KCNN3: variants seen among roughly 807,000 people sequenced by gnomAD.
The protein encoded by KCNN3 is potassium calcium-activated channel subfamily N member 3.
In KCNN3, 16 loss-of-function variants were observed where a neutral mutation model predicts 62.9. That is an observed-to-expected ratio of 0.25 (90% CI 0.17 to 0.39). KCNN3 has a LOEUF of 0.39. Ranked by LOEUF, KCNN3 falls within the 10% of genes least tolerant of loss-of-function variation. The pLI is 1.00. For synonymous variants in KCNN3, 370 were observed against 389.2 expected, an observed-to-expected ratio of 0.95 and a Z score of 0.58; for missense variants, 599 against 949.4, an observed-to-expected ratio of 0.63 and a Z score of 4.85.
chr1:154,838,400 C>A (rs924893971), intron 1 of KCNN3, among the ~76,000 whole-genome samples: 10 of 152,092 alleles, frequency 6.6e-5, no homozygotes, highest in African/African-American at 2.4e-4. Context: ...ATCCCTTCTG[C>A]GGCTCCCCAC....
intron 2 of KCNN3, among the ~76,000 whole-genome samples, chr1:154,780,413 G>A (rs1648983776): frequency 6.7e-6 from 1 of 149,806 alleles, no homozygotes; most frequent in African/African-American, 2.4e-5. Context: ...TTGCACAACT[G>A]TGAATTTCTC....
At chr1:154,711,611 G>A (rs1170910862) in intron 7 of KCNN3, among the ~76,000 whole-genome samples, 1 of 151,904 alleles carries the variant, frequency 6.6e-6, no homozygotes, top group African/African-American at 2.4e-5. Context: ...GCTACTCATG[G>A]AAGAAACATC....
chr1:154,863,007 C>T (rs1006119919), intron 1 of KCNN3, among the ~76,000 whole-genome samples: 2 of 152,150 alleles, frequency 1.3e-5, no homozygotes, highest in African/African-American at 4.8e-5. Flanking sequence ...ACACAGGGGG[C>T]GGTGAGCACG....
chr1:154,753,556 G>A (rs1647487221), intron 3 of KCNN3, among the ~76,000 whole-genome samples: 1 of 152,184 alleles, frequency 6.6e-6, no homozygotes, highest in Non-Finnish European at 1.5e-5. Context: ...CAAAAGCCCT[G>A]CCACAGGCGA....
intron 2 of KCNN3, among the ~76,000 whole-genome samples, chr1:154,786,158 T>C (rs1298496473): frequency 6.6e-6 from 1 of 152,200 alleles, no homozygotes; most frequent in African/African-American, 2.4e-5. Context: ...CCTTGGTCAC[T>C]GTCCTCCACA....
Position 154,772,800 on chromosome 1 carries a change from G to A in KCNN3, c.1030-407C>T, listed in dbSNP as rs1183815593. Among the ~76,000 whole-genome samples, 2 of 152,112 alleles carry A rather than the reference G, an allele frequency of 1.3e-5. No individual in the cohort carries two copies. Among genetic ancestry groups the A allele is most frequent in the Non-Finnish European group, 2.9e-5 (2 of 68,024 alleles). ...ACTAGTGGCTGGGGTCGGTCGGGGT[G>A]GGGATCCAGGGTGGCCTCAGGATGG... On this transcript the variant is annotated intron_variant, in intron 2 of 7. Coordinates refer to ENST00000271915, the MANE Select transcript of KCNN3 (RefSeq NM_002249.6). This position sits in a 1 kb window ranked among gnomAD's most constrained non-coding sequence, Gnocchi z 5.6.
chr1:154,738,824 G>A (rs1437208335), intron 3 of KCNN3, among the ~76,000 whole-genome samples: 1 of 152,206 alleles, frequency 6.6e-6, no homozygotes. Flanking sequence ...AAAATGAAAA[G>A]TTCTGCAGGA....
intron 3 of KCNN3, among the ~76,000 whole-genome samples, chr1:154,755,530 G>GAGA (rs1647613783): frequency 1.1e-5 from 1 of 91,548 alleles, no homozygotes; most frequent in East Asian, 4.0e-4. Flanking sequence ...AAAGAAAGAA[G>GAGA]AAGAAAGGAA....
rs1047597611 is a variant in KCNN3 at position 154,772,934 on chromosome 1, A to G, written c.1030-541T>C. On this transcript the variant is annotated intron_variant, in intron 2 of 7. Transcript: ENST00000271915. The surrounding 1 kb of genome is among the most constrained non-coding windows in gnomAD (Gnocchi z 5.6). ...GGCCCGAAGGTTGAGTTGATCACCA[A>G]TGGCCAATGATGTCATCAATTATGT... 5.3e-5 allele frequency among the ~76,000 whole-genome samples: 8 copies of G among 152,132 alleles called. No homozygotes were observed. The highest frequency in any genetic ancestry group is 1.9e-4 in the African/African-American group (8 of 41,424).
intron 5 of KCNN3, among the ~76,000 whole-genome samples, chr1:154,720,223 T>C (rs1310331060): frequency 1.3e-5 from 2 of 152,188 alleles, no homozygotes; most frequent in African/African-American, 4.8e-5. Context: ...CGTCTTCTCA[T>C]GTGGGTTGGA....
Position 154,724,822 on chromosome 1 carries a change from A to G in KCNN3, c.1701+1094T>C, listed in dbSNP as rs868750336. Among the ~76,000 whole-genome samples the G allele has an allele frequency of 4.5e-4, 68 of 152,226 alleles. 1 individual carries two copies. In the South Asian group the frequency reaches 6.6e-3, roughly 15 times the overall value. On this transcript the variant is annotated intron_variant, in intron 5 of 7. Transcript: ENST00000271915. Reference sequence around the variant, plus strand: ...ATTGGATGATGATGTTTTGATGAACAATTTTATTTAGGGATGTGGGCTCTA... The same window carrying G: ...ATTGGATGATGATGTTTTGATGAACGATTTTATTTAGGGATGTGGGCTCTA...
At chr1:154,743,743 G>A (rs1700877577) in intron 3 of KCNN3, among the ~76,000 whole-genome samples, 1 of 152,194 alleles carries the variant, frequency 6.6e-6, no homozygotes, top group African/African-American at 2.4e-5. Context: ...ACAGGGCACT[G>A]TGCTGCCGGG....
At chr1:154,819,519 C>A (rs1218600) in intron 2 of KCNN3, among the ~76,000 whole-genome samples, 32,907 of 152,020 alleles carry the variant, frequency 0.22, 4,093 homozygotes, top group Middle Eastern at 0.41. Flanking sequence ...TGGCCCAGTG[C>A]GGTATATACA....
Position 154,806,998 on chromosome 1 carries a change from A to C in KCNN3, c.1029+15091T>G, listed in dbSNP as rs76140908. Among the ~76,000 whole-genome samples the C allele has an allele frequency of 5.2e-3, 798 of 152,296 alleles. 4 individuals are homozygous for C. Among genetic ancestry groups the C allele is most frequent in the South Asian group, 9.5e-3 (46 of 4,826 alleles). On this transcript the variant is annotated intron_variant, in intron 2 of 7. Coordinates refer to ENST00000271915, the MANE Select transcript of KCNN3 (RefSeq NM_002249.6). ...TTTGGATCAGAATGTTCTCTGCTAC[A>C]AGAGATCCTGTCCCTCATTGTCCTC...
intron 2 of KCNN3, among the ~76,000 whole-genome samples, chr1:154,784,409 C>G (rs553046480): frequency 1.3e-5 from 2 of 152,320 alleles, no homozygotes; most frequent in Admixed American, 6.5e-5. Flanking sequence ...CCCAGCTAAA[C>G]CAAGTTACCA....
intron 2 of KCNN3, among the ~76,000 whole-genome samples, chr1:154,819,709 G>T (rs1650812362): frequency 6.6e-6 from 1 of 151,034 alleles, no homozygotes; most frequent in Non-Finnish European, 1.5e-5. Context: ...GGAGGATAAG[G>T]GGCTGGGTGG....
chr1:154,741,217 C>T (rs1700816262), intron 3 of KCNN3, among the ~76,000 whole-genome samples: 1 of 152,178 alleles, frequency 6.6e-6, no homozygotes, highest in African/African-American at 2.4e-5. Flanking sequence ...ATCCTTTCTC[C>T]TACTAGCTTT....
chr1:154,749,082 G>A (rs542383911), intron 3 of KCNN3, among the ~76,000 whole-genome samples: 5 of 152,168 alleles, frequency 3.3e-5, no homozygotes, highest in South Asian at 2.1e-4. Context: ...AGAGACTGGT[G>A]GGGATTCTCT....
chr1:154,848,126 C>T (rs960684686), intron 1 of KCNN3, among the ~76,000 whole-genome samples: 8 of 152,180 alleles, frequency 5.3e-5, no homozygotes, highest in African/African-American at 1.4e-4. Flanking sequence ...TGGCTGGTGC[C>T]GGCTGGTGTG....
Sources: gnomAD v4.1 joint callset for allele counts (sites outside exome capture counted in the v4.1 genomes callset) on GRCh38, gnomAD v4.1.1 for gene constraint, Gnocchi (gnomAD v3.1) non-coding constraint, MANE v1.5 for transcripts, NCBI Gene and HGNC (gene_info 2026-07-23, HGNC 2026-07-21) for gene names.